FSHR: variants seen among roughly 807,000 people sequenced by gnomAD.
FSHR encodes follicle stimulating hormone receptor, also known as follicle-stimulating hormone receptor.
In FSHR, 46 loss-of-function variants were observed where a neutral mutation model predicts 52.1. That is an observed-to-expected ratio of 0.88 (90% CI 0.70 to 1.13). FSHR has a LOEUF of 1.13. Ranked by LOEUF, FSHR falls within the 50% of genes most tolerant of loss-of-function variation. FSHR has a pLI of 0.00. For missense variants in FSHR, 964 were observed against 834.6 expected (o/e 1.16, Z -1.91); for synonymous variants, 399 against 309.6 (o/e 1.29, Z -3.03).
chr2:49,000,760 G>T (rs531086450), intron 4 of FSHR, among the ~76,000 whole-genome samples: 1 of 152,232 alleles, frequency 6.6e-6, no homozygotes, highest in African/African-American at 2.4e-5. Flanking sequence ...ACTTTAGAAA[G>T]ACCATGTGGA....
chr2:49,052,348 C>T (rs1215891642), intron 2 of FSHR, among the ~76,000 whole-genome samples: 1 of 151,934 alleles, frequency 6.6e-6, no homozygotes, highest in Non-Finnish European at 1.5e-5. Flanking sequence ...TTAGCTACAA[C>T]ATGTAGATGA....
intron 1 of FSHR, among the ~76,000 whole-genome samples, chr2:49,073,737 T>G (rs1669839982): frequency 6.6e-6 from 1 of 151,964 alleles, no homozygotes; most frequent in Admixed American, 6.6e-5. Context: ...ACCAAAGCAT[T>G]CTAAGCAAAA....
In FSHR at chr2:49,020,014, C is replaced by A. The variant is rs561658647; in HGVS notation, c.299+72G>T. The A allele has an allele frequency of 1.3e-5, 17 of 1,312,678 alleles. No homozygotes were observed. The African/African-American group carries it at 2.0e-4, about 16-fold the overall frequency. 81.3% of individuals were successfully genotyped at this position (1,312,678 alleles called of 1,614,324 possible). A position where few individuals can be genotyped will look rare whatever the true frequency, so the allele number is the denominator to read the frequency against. On this transcript the variant is annotated intron_variant, in intron 3 of 9. Coordinates refer to ENST00000406846, the MANE Select transcript of FSHR (RefSeq NM_000145.4). ...AGGCCATGGCAGAATCAGGGCCTCCCAGGAATGTAGAAGAACTTTAAGGGT... is the reference window on the plus strand; with the variant it reads ...AGGCCATGGCAGAATCAGGGCCTCCAAGGAATGTAGAAGAACTTTAAGGGT...
chr2:49,023,484 C>T (rs72827270), intron 2 of FSHR, among the ~76,000 whole-genome samples: 2 of 152,142 alleles, frequency 1.3e-5, no homozygotes, highest in African/African-American at 4.8e-5. Flanking sequence ...TGTCTAAGTC[C>T]AGCAGGTGAC....
intron 1 of FSHR, among the ~76,000 whole-genome samples, chr2:49,073,013 TATAG>T (rs1162515421): frequency 5.9e-5 from 9 of 152,224 alleles, no homozygotes; most frequent in African/African-American, 2.2e-4. Flanking sequence ...AAATCAGAAA[TATAG>T]ATAAAGGCAT....
chr2:49,057,231 G>T (rs1324659622), intron 2 of FSHR, among the ~76,000 whole-genome samples: 2 of 151,998 alleles, frequency 1.3e-5, no homozygotes, highest in African/African-American at 2.4e-5. Flanking sequence ...ATAAAAAGTT[G>T]CTTTTCTGAA....
intron 1 of FSHR, among the ~76,000 whole-genome samples, chr2:49,144,486 T>G (rs1558466131): frequency 6.6e-6 from 1 of 152,264 alleles, no homozygotes; most frequent in South Asian, 2.1e-4. Context: ...ATTTTCACAA[T>G]CAGGGGCATG....
intron 2 of FSHR, among the ~76,000 whole-genome samples, chr2:49,025,339 G>C (rs537497951): frequency 1.3e-5 from 2 of 152,302 alleles, no homozygotes; most frequent in Middle Eastern, 3.4e-3. Flanking sequence ...AACTCAGTGA[G>C]AGTAGTATTC....
intron 1 of FSHR, among the ~76,000 whole-genome samples, chr2:49,083,936 C>A (rs192485587): frequency 0.19 from 28,554 of 150,356 alleles, 2,929 homozygotes; most frequent in East Asian, 0.28. Flanking sequence ...GACAGATCAA[C>A]GAGACAGAAA....
chr2:49,022,294 A>C (rs1045809662), intron 2 of FSHR, among the ~76,000 whole-genome samples: 3 of 152,152 alleles, frequency 2.0e-5, no homozygotes, highest in African/African-American at 7.2e-5. Context: ...GAACAAAGTA[A>C]AGAAACACTT....
chr2:49,057,726 A>G (rs1429690572), intron 2 of FSHR, among the ~76,000 whole-genome samples: 1 of 152,184 alleles, frequency 6.6e-6, no homozygotes, highest in East Asian at 1.9e-4. Flanking sequence ...CAAAAAAAAG[A>G]AAACGTAGGC....
chr2:49,074,810 T>C (rs1669886621), intron 1 of FSHR, among the ~76,000 whole-genome samples: 1 of 152,136 alleles, frequency 6.6e-6, no homozygotes, highest in African/African-American at 2.4e-5. Context: ...GCAAATGCGG[T>C]ATATATACAT....
At chr2:49,138,518 A>G (rs754971960) in intron 1 of FSHR, among the ~76,000 whole-genome samples, 1 of 152,216 alleles carries the variant, frequency 6.6e-6, no homozygotes, top group Non-Finnish European at 1.5e-5. Flanking sequence ...ATATTTTTCG[A>G]CCCTTAAAAT....
At chr2:49,127,797 T>TTCA (rs1672076350) in intron 1 of FSHR, among the ~76,000 whole-genome samples, 4 of 56,890 alleles carry the variant, frequency 7.0e-5, no homozygotes, top group South Asian at 1.6e-3. Flanking sequence ...CTTCTTCTTC[T>TTCA]TCTTCTTCTT....
At position 48,988,969 on chromosome 2, in the gene FSHR, T is replaced by C; in HGVS notation, c.524+8A>G. 6.2e-7 allele frequency: 1 copy of C among 1,611,082 alleles called. No homozygotes were observed. Among genetic ancestry groups the C allele is most frequent in the South Asian group, 1.1e-5 (1 of 91,012 alleles). On this transcript the variant is annotated splice_region_variant and intron_variant, in intron 6 of 9. Coordinates refer to ENST00000406846, the MANE Select transcript of FSHR (RefSeq NM_000145.4). ...GTTACTCTGTTGGATTTTTTCCCCCTTACTTACAGAATCACACTTTCAAAG... is the reference window on the plus strand; with the variant it reads ...GTTACTCTGTTGGATTTTTTCCCCCCTACTTACAGAATCACACTTTCAAAG...
intron 1 of FSHR, among the ~76,000 whole-genome samples, chr2:49,127,289 C>T (rs997922335): frequency 1.3e-5 from 2 of 150,796 alleles, no homozygotes; most frequent in Non-Finnish European, 2.9e-5. Flanking sequence ...GATTGTACCA[C>T]TGCACTCCAC....
chr2:49,052,381 G>A (rs13032266), intron 2 of FSHR, among the ~76,000 whole-genome samples: 69,499 of 151,954 alleles, frequency 0.46, 17,166 homozygotes, highest in Non-Finnish European at 0.55. Flanking sequence ...ACTCATGAAT[G>A]TTCTTTGTAC....
intron 3 of FSHR, 28 bp downstream of exon 3, chr2:49,020,058 G>A (rs202122664): frequency 1.3e-6 from 2 of 1,598,870 alleles, no homozygotes; most frequent in Non-Finnish European, 1.7e-6. Context: ...GAATGGCCAT[G>A]AGCAAATCCC....
At position 49,092,936 on chromosome 2, in the gene FSHR, G is replaced by A. The variant is rs183445945; in HGVS notation, c.153-24646C>T. 9.1e-4 allele frequency among the ~76,000 whole-genome samples: 139 copies of A among 152,294 alleles called. 2 individuals are homozygous for A. The East Asian group carries it at 0.023, about 25-fold the overall frequency. On this transcript the variant is annotated intron_variant, in intron 1 of 9. Coordinates refer to ENST00000406846, the MANE Select transcript of FSHR (RefSeq NM_000145.4). ...CTGCCTCAGACTCCCAAAGTGCTCG[G>A]ATTACAGGCATGAGCCACCACACCC...
Sources: allele counts gnomAD v4.1 joint callset (sites outside exome capture counted in the v4.1 genomes callset), GRCh38; gene constraint gnomAD v4.1.1; transcripts MANE v1.5; gene names NCBI Gene and HGNC (gene_info 2026-07-23, HGNC 2026-07-21).